The following RALGAPA1 variants were observed in gnomAD, a reference collection of about 807,000 sequenced individuals.
RALGAPA1 encodes Ral GTPase activating protein catalytic subunit alpha 1, also known as ral GTPase-activating protein subunit alpha-1.
In RALGAPA1, 52 loss-of-function variants were observed where a neutral mutation model predicts 269.6. The ratio of observed to expected loss-of-function variants is 0.19; its 90% CI spans 0.15 to 0.24. The LOEUF (loss-of-function observed/expected upper bound fraction) is 0.24, where lower values mean the gene tolerates loss of function less well. Among genes scored for constraint, RALGAPA1 ranks in the 10% least tolerant of loss-of-function variants. RALGAPA1 has a pLI of 1.00. For missense variants in RALGAPA1, 1,917 were observed against 3,013.9 expected, an observed-to-expected ratio of 0.64 and a Z score of 8.52; for synonymous variants, 817 against 1,008.3, an observed-to-expected ratio of 0.81 and a Z score of 3.60.
chr14:35,547,597 T>A (rs2054569441), intron 41 of RALGAPA1, among the ~76,000 whole-genome samples: 1 of 152,186 alleles, frequency 6.6e-6, no homozygotes, highest in Non-Finnish European at 1.5e-5. Flanking sequence ...CATTCTCCAT[T>A]ATTAAACAAG....
At chr14:35,775,813 G>A (rs1286403469) in intron 1 of RALGAPA1, 68 bp from the exon 2 acceptor site, 5 of 1,371,100 alleles carry the variant, frequency 3.6e-6, no homozygotes, top group South Asian at 3.8e-5. Flanking sequence ...AATATTCAGC[G>A]ACAAGTTTCC....
At chr14:35,798,369 G>T (rs1012828507) in intron 1 of RALGAPA1, among the ~76,000 whole-genome samples, 6 of 151,320 alleles carry the variant, frequency 4.0e-5, no homozygotes, top group African/African-American at 7.3e-5. Context: ...TAGAGACAGG[G>T]TCTTGCATTG....
intron 16 of RALGAPA1, among the ~76,000 whole-genome samples, chr14:35,706,270 T>C (rs1211807910): frequency 6.6e-6 from 1 of 152,254 alleles, no homozygotes; most frequent in African/African-American, 2.4e-5. Context: ...TATACTTTTG[T>C]ACATCACATT....
intron 11 of RALGAPA1, among the ~76,000 whole-genome samples, chr14:35,741,574 A>G (rs772492291): frequency 3.3e-5 from 5 of 152,214 alleles, no homozygotes; most frequent in African/African-American, 1.2e-4. Flanking sequence ...GGTTAGATTA[A>G]CCACTAAAGT....
intron 27 of RALGAPA1, among the ~76,000 whole-genome samples, chr14:35,660,716 A>C (rs2063486829): frequency 6.6e-6 from 1 of 152,116 alleles, no homozygotes. Context: ...TGAAGGACTA[A>C]TGGATAAAGA....
intron 33 of RALGAPA1, among the ~76,000 whole-genome samples, chr14:35,634,038 A>AT (rs1161670978): frequency 6.6e-6 from 1 of 152,172 alleles, no homozygotes; most frequent in South Asian, 2.1e-4. Flanking sequence ...ATATTTAGCA[A>AT]TTGAGAGTCA....
intron 12 of RALGAPA1, among the ~76,000 whole-genome samples, chr14:35,730,609 G>A (rs571772540): frequency 4.6e-5 from 7 of 152,164 alleles, no homozygotes; most frequent in Admixed American, 1.3e-4. Flanking sequence ...TGTGACTGCC[G>A]GCTTTCCCTG....
At chr14:35,713,682 AT>A (rs1423410602) in intron 16 of RALGAPA1, among the ~76,000 whole-genome samples, 65 of 152,346 alleles carry the variant, frequency 4.3e-4, no homozygotes, top group Middle Eastern at 3.4e-3. Flanking sequence ...TCCCAATACT[AT>A]AGTAATACTA....
chr14:35,626,433 C>T (rs906136136), intron 34 of RALGAPA1, among the ~76,000 whole-genome samples: 6 of 152,138 alleles, frequency 3.9e-5, no homozygotes, highest in Non-Finnish European at 7.4e-5. Context: ...GGAATTAAAA[C>T]CTAAATGTAT....
At chr14:35,626,252 A>C (rs1215661556) in intron 34 of RALGAPA1, among the ~76,000 whole-genome samples, 1 of 152,174 alleles carries the variant, frequency 6.6e-6, no homozygotes, top group East Asian at 1.9e-4. Context: ...TAAATCAAGT[A>C]AGAGTATAAA....
chr14:35,575,358 T>C (rs1328277811), intron 37 of RALGAPA1, among the ~76,000 whole-genome samples: 1 of 152,194 alleles, frequency 6.6e-6, no homozygotes, highest in Non-Finnish European at 1.5e-5. Flanking sequence ...GTATATAACA[T>C]AGGCTACAGA....
At chr14:35,753,562 T>C (rs982726414) in intron 7 of RALGAPA1, among the ~76,000 whole-genome samples, 5 of 152,184 alleles carry the variant, frequency 3.3e-5, no homozygotes, top group Admixed American at 6.6e-5. Context: ...TTGAAAACAT[T>C]TGCTAAGTAA....
chr14:35,693,932 T>G (rs1167872482), intron 17 of RALGAPA1, among the ~76,000 whole-genome samples: 2 of 152,190 alleles, frequency 1.3e-5, no homozygotes, highest in East Asian at 3.9e-4. Context: ...TAAAGTATAC[T>G]GTCAGCTTAT....
At chr14:35,611,858 G>A (rs1216622024) in intron 35 of RALGAPA1, among the ~76,000 whole-genome samples, 2 of 152,130 alleles carry the variant, frequency 1.3e-5, no homozygotes, top group African/African-American at 4.8e-5. Flanking sequence ...GAATAGAATT[G>A]GAGAACTCAT....
At chr14:35,792,896 A>C (rs2076294285) in intron 1 of RALGAPA1, among the ~76,000 whole-genome samples, 1 of 151,600 alleles carries the variant, frequency 6.6e-6, no homozygotes, top group South Asian at 2.1e-4. Context: ...AAAAAAAAAA[A>C]AAGACCTGCA....
In RALGAPA1 at chr14:35,620,520, A is replaced by G. The variant is rs1000878340; in HGVS notation, c.6929+4841T>C. On this transcript the variant is annotated intron_variant, in intron 35 of 41. Coordinates refer to ENST00000680220, the MANE Select transcript of RALGAPA1 (RefSeq NM_001346249.2). ...TTGGAAGTTCTGGCCAGGGCAATCA[A>G]GCAGGAGAAAGAAATAAAGGGTATT... Among the ~76,000 whole-genome samples the G allele has an allele frequency of 3.3e-5, 5 of 151,980 alleles. No homozygotes were observed. In the East Asian group the frequency reaches 9.7e-4, roughly 29 times the overall value.
chr14:35,780,468 G>C (rs982847968), intron 1 of RALGAPA1, among the ~76,000 whole-genome samples: 1 of 152,094 alleles, frequency 6.6e-6, no homozygotes, highest in African/African-American at 2.4e-5. Flanking sequence ...CCATATGTAA[G>C]GCCATAAAAT....
At chr14:35,648,965 T>C (rs2062641550) in intron 31 of RALGAPA1, among the ~76,000 whole-genome samples, 1 of 152,272 alleles carries the variant, frequency 6.6e-6, no homozygotes, top group African/African-American at 2.4e-5. Context: ...TTAACTGTTA[T>C]TCTTTAATGT....
chr14:35,699,237 T>G lies in RALGAPA1; in HGVS notation c.2407+925A>C, dbSNP rs565481322. 3.3e-5 allele frequency among the ~76,000 whole-genome samples: 5 copies of G among 152,332 alleles called. No homozygotes were observed. In the South Asian group the frequency reaches 1.0e-3, roughly 32 times the overall value. Reference sequence around the variant, plus strand: ...GCACAGTATGCACAATCATTTTATTTATGCCAAAAAAATTTTTTTTAAACA... The same window carrying G: ...GCACAGTATGCACAATCATTTTATTGATGCCAAAAAAATTTTTTTTAAACA... On this transcript the variant is annotated intron_variant, in intron 17 of 41. Transcript: ENST00000680220.
Sources: allele counts gnomAD v4.1 joint callset (sites outside exome capture counted in the v4.1 genomes callset), GRCh38; gene constraint gnomAD v4.1.1; transcripts MANE v1.5; gene names NCBI Gene and HGNC (gene_info 2026-07-23, HGNC 2026-07-21).